NPSR1: variants seen among roughly 807,000 people sequenced by gnomAD.
NPSR1 encodes the protein neuropeptide S receptor 1, also known as neuropeptide S receptor.
Under a neutral mutation model 46.9 loss-of-function variants are expected in NPSR1, and 48 were observed. That is an observed-to-expected ratio of 1.02 (90% CI 0.81 to 1.30). The LOEUF is 1.30. NPSR1 is among the 50% of genes most tolerant of loss of function. The pLI is 0.00. For missense variants in NPSR1, 450 were observed against 449.5 expected (o/e 1.00, Z -0.01); for synonymous variants, 176 against 168.1 (o/e 1.05, Z -0.36).
chr7:34,663,069 G>GTGTGTGTGTT (rs1791546195), intron 1 of NPSR1, among the ~76,000 whole-genome samples: 2 of 71,056 alleles, frequency 2.8e-5, no homozygotes, highest in African/African-American at 5.4e-5. Context: ...CTCTCTCTCT[G>GTGTGTGTGTT]TGTGTGTGTG....
intron 7 of NPSR1, 113 bp downstream of exon 7, chr7:34,845,095 C>A: frequency 1.3e-6 from 1 of 752,072 alleles, no homozygotes; most frequent in South Asian, 1.5e-5. Context: ...CTACATCGGT[C>A]TGCTTAGAAA....
intron 2 of NPSR1, among the ~76,000 whole-genome samples, chr7:34,727,050 T>C (rs1359556997): frequency 6.6e-6 from 1 of 152,148 alleles, no homozygotes; most frequent in Non-Finnish European, 1.5e-5. Flanking sequence ...GGTTCATCAA[T>C]AGTAAGAAAT....
chr7:34,726,138 A>G (rs1298320888), intron 2 of NPSR1, among the ~76,000 whole-genome samples: 1 of 152,210 alleles, frequency 6.6e-6, no homozygotes, highest in Non-Finnish European at 1.5e-5. Context: ...GGTACAAAAT[A>G]TAACAGAATT....
chr7:34,799,459 C>G (rs544164269), intron 3 of NPSR1, among the ~76,000 whole-genome samples: 2 of 151,528 alleles, frequency 1.3e-5, no homozygotes, highest in Non-Finnish European at 2.9e-5. Flanking sequence ...CATATCCAGC[C>G]AAACTAAGCA....
At chr7:34,816,140 G>A (rs13307074) in intron 4 of NPSR1, among the ~76,000 whole-genome samples, 1 of 149,708 alleles carries the variant, frequency 6.7e-6, no homozygotes, top group Non-Finnish European at 1.5e-5. Context: ...TAAAGAGTCA[G>A]GACCCATCAG....
intron 1 of NPSR1, among the ~76,000 whole-genome samples, chr7:34,681,395 T>C (rs1792626595): frequency 6.6e-6 from 1 of 152,180 alleles, no homozygotes; most frequent in South Asian, 2.1e-4. Flanking sequence ...GCTGTTAACT[T>C]TGACCTCAGG....
chr7:34,780,841 A>G (rs991398211), intron 3 of NPSR1, among the ~76,000 whole-genome samples: 13 of 152,166 alleles, frequency 8.5e-5, no homozygotes, highest in African/African-American at 2.4e-4. Flanking sequence ...ATTTTACTTA[A>G]ATCAGAACTC....
At chr7:34,869,286 A>G (rs1159733493) in intron 8 of NPSR1, among the ~76,000 whole-genome samples, 1 of 151,810 alleles carries the variant, frequency 6.6e-6, no homozygotes, top group African/African-American at 2.4e-5. Flanking sequence ...ATTCAAGTGA[A>G]ACAACAAAAC....
At chr7:34,870,491 A>G (rs1791425216) in intron 8 of NPSR1, among the ~76,000 whole-genome samples, 1 of 151,792 alleles carries the variant, frequency 6.6e-6, no homozygotes, top group Non-Finnish European at 1.5e-5. Context: ...GTATAGTAAT[A>G]TGTAACATTG....
intron 3 of NPSR1, 68 bp downstream of exon 3, chr7:34,778,633 GA>G: frequency 9.9e-7 from 1 of 1,013,148 alleles, no homozygotes; most frequent in South Asian, 1.4e-5. Flanking sequence ...TTTATCTAAG[GA>G]AAATCATATA....
intron 6 of NPSR1, among the ~76,000 whole-genome samples, chr7:34,840,824 G>A (rs1366149003): frequency 6.6e-6 from 1 of 152,168 alleles, no homozygotes; most frequent in Non-Finnish European, 1.5e-5. Context: ...AGAGGCACAG[G>A]CGGTGGCCTG....
chr7:34,723,736 T>C (rs867476365), intron 2 of NPSR1, among the ~76,000 whole-genome samples: 74 of 152,262 alleles, frequency 4.9e-4, no homozygotes, highest in African/African-American at 1.7e-3. Context: ...TGAACTCCTG[T>C]GCTCAAGCAA....
chr7:34,874,417 G>A (rs1297095944), intron 8 of NPSR1, among the ~76,000 whole-genome samples: 1 of 152,008 alleles, frequency 6.6e-6, no homozygotes, highest in Non-Finnish European at 1.5e-5. Flanking sequence ...AAGATTCCTG[G>A]GTAGAGACCT....
intron 8 of NPSR1, among the ~76,000 whole-genome samples, chr7:34,859,595 A>C (rs1048365426): frequency 6.6e-6 from 1 of 151,696 alleles, no homozygotes; most frequent in African/African-American, 2.4e-5. Context: ...CATGGTAGGC[A>C]ACTGGAAGAG....
intron 1 of NPSR1, among the ~76,000 whole-genome samples, chr7:34,683,268 C>G (rs1436386786): frequency 6.6e-6 from 1 of 151,868 alleles, no homozygotes; most frequent in Non-Finnish European, 1.5e-5. Context: ...ACGGTGAAAC[C>G]CTGTGTCTAC....
intron 1 of NPSR1, among the ~76,000 whole-genome samples, chr7:34,663,093 G>GTGTATGTGTGTGT (rs1554301952): frequency 8.9e-6 from 1 of 112,328 alleles, no homozygotes; most frequent in African/African-American, 4.0e-5. Flanking sequence ...ATGTGTGTGT[G>GTGTATGTGTGTGT]GCGGGGGGGA....
intron 1 of NPSR1, among the ~76,000 whole-genome samples, chr7:34,669,123 C>T (rs371647067): frequency 9.2e-5 from 14 of 152,238 alleles, no homozygotes; most frequent in East Asian, 1.9e-4. Flanking sequence ...CAGAACTTCC[C>T]AAAAGTTGTT....
chr7:34,862,191 A>C (rs1476999922), intron 8 of NPSR1, among the ~76,000 whole-genome samples: 1 of 151,724 alleles, frequency 6.6e-6, no homozygotes, highest in Non-Finnish European at 1.5e-5. Context: ...GGAGATAGGC[A>C]GGAGACTGGA....
intron 3 of NPSR1, among the ~76,000 whole-genome samples, chr7:34,782,367 T>G (rs1035096449): frequency 6.6e-6 from 1 of 152,122 alleles, no homozygotes; most frequent in South Asian, 2.1e-4. Context: ...CAGCTCCAGC[T>G]TCCCTGGTGG....
Sources: allele counts gnomAD v4.1 joint callset (sites outside exome capture counted in the v4.1 genomes callset), GRCh38; gene constraint gnomAD v4.1.1; transcripts MANE v1.5; gene names NCBI Gene and HGNC (gene_info 2026-07-23, HGNC 2026-07-21).